Variants in MGMT observed in about 807,000 individuals in gnomAD.
MGMT encodes methylated-DNA--protein-cysteine methyltransferase.
In MGMT, 14 loss-of-function variants were observed where a neutral mutation model predicts 15.9. The observed-to-expected ratio is 0.88, with a 90% CI of 0.58 to 1.37. MGMT has a LOEUF of 1.37. Ranked by LOEUF, MGMT falls within the 40% of genes most tolerant of loss-of-function variation. The probability of loss-of-function intolerance (pLI) is 0.00; values close to 1 mark genes in which losing one functional copy is unlikely to be tolerated. For synonymous variants in MGMT, 130 were observed against 118.2 expected (o/e 1.10, Z -0.65); for missense variants, 282 against 268.1 (o/e 1.05, Z -0.36).
intron 2 of MGMT, among the ~76,000 whole-genome samples, chr10:129,678,608 A>G (rs1847812288): frequency 1.3e-5 from 2 of 152,310 alleles, no homozygotes; most frequent in Admixed American, 6.5e-5. Context: ...TAGGAGACAC[A>G]CTGTAAGTTA....
intron 2 of MGMT, among the ~76,000 whole-genome samples, chr10:129,669,151 T>C (rs1342644262): frequency 1.3e-5 from 2 of 152,180 alleles, no homozygotes; most frequent in Admixed American, 6.5e-5. Flanking sequence ...ACACTAGGTT[T>C]CCTGATATTT....
intron 1 of MGMT, among the ~76,000 whole-genome samples, chr10:129,494,253 G>A (rs906158725): frequency 1.3e-5 from 2 of 152,116 alleles, no homozygotes; most frequent in African/African-American, 4.8e-5. Context: ...TAGTGATATG[G>A]TCATTTTTTT....
chr10:129,553,475 G>A (rs951198812), intron 2 of MGMT, among the ~76,000 whole-genome samples: 3 of 152,172 alleles, frequency 2.0e-5, no homozygotes, highest in Non-Finnish European at 4.4e-5. Flanking sequence ...GTTCACCAGC[G>A]CATGTGAACC....
intron 2 of MGMT, among the ~76,000 whole-genome samples, chr10:129,593,780 C>T (rs887933400): frequency 1.3e-5 from 2 of 152,184 alleles, no homozygotes; most frequent in Non-Finnish European, 2.9e-5. Flanking sequence ...TGAGTATTGA[C>T]ACCTTTCCTT....
rs1228869639 is a variant in MGMT at position 129,533,447 on chromosome 10, A to G, written c.-12-2794A>G. On this transcript the variant is annotated intron_variant, in intron 1 of 4. Transcript: ENST00000651593. The surrounding 1 kb of genome is among the most constrained non-coding windows in gnomAD (Gnocchi z 4.5). ...CTGCAGCCCTGCCCGAACTGGGATG[A>G]TAGAGCAGCAAACATGGCTCCATGG... 6.6e-6 allele frequency among the ~76,000 whole-genome samples: 1 copy of G among 152,046 alleles called. No homozygotes were observed. Among genetic ancestry groups the G allele is most frequent in the Non-Finnish European group, 1.5e-5 (1 of 68,000 alleles).
At chr10:129,714,998 T>G (rs530158200) in intron 3 of MGMT, among the ~76,000 whole-genome samples, 1 of 152,226 alleles carries the variant, frequency 6.6e-6, no homozygotes, top group East Asian at 1.9e-4. Flanking sequence ...GGTCCTTAGT[T>G]CCCTGAGGTT....
intron 2 of MGMT, among the ~76,000 whole-genome samples, chr10:129,567,698 G>A (rs563119955): frequency 5.3e-5 from 8 of 152,168 alleles, no homozygotes; most frequent in African/African-American, 1.9e-4. Flanking sequence ...TGGAATGGTA[G>A]GTTATTTTGT....
intron 3 of MGMT, among the ~76,000 whole-genome samples, chr10:129,729,247 C>T (rs1196418161): frequency 6.6e-6 from 1 of 152,130 alleles, no homozygotes; most frequent in Non-Finnish European, 1.5e-5. Flanking sequence ...ACGAAAGGGC[C>T]CCACGGGCTG....
chr10:129,630,395 G>A (rs1238113693), intron 2 of MGMT, among the ~76,000 whole-genome samples: 5 of 152,216 alleles, frequency 3.3e-5, no homozygotes, highest in African/African-American at 1.2e-4. Flanking sequence ...GCTCTTTGGT[G>A]TGGCTCATGG....
chr10:129,694,952 A>G (rs978580917), intron 2 of MGMT, among the ~76,000 whole-genome samples: 1 of 152,204 alleles, frequency 6.6e-6, no homozygotes, highest in Non-Finnish European at 1.5e-5. Context: ...AGTACTCTGG[A>G]AAAAAGATTT....
At chr10:129,510,320 G>A (rs1845667832) in intron 1 of MGMT, among the ~76,000 whole-genome samples, 1 of 152,212 alleles carries the variant, frequency 6.6e-6, no homozygotes, top group Non-Finnish European at 1.5e-5. Flanking sequence ...GAGAATGGGT[G>A]AAATGTTGGA....
At chr10:129,475,358 A>G (rs1454013634) in intron 1 of MGMT, among the ~76,000 whole-genome samples, 1 of 152,168 alleles carries the variant, frequency 6.6e-6, no homozygotes, top group Non-Finnish European at 1.5e-5. Context: ...ATGGGGGATC[A>G]GATGAGAAAG....
chr10:129,595,280 G>T (rs530887632), intron 2 of MGMT, among the ~76,000 whole-genome samples: 1 of 152,152 alleles, frequency 6.6e-6, no homozygotes, highest in Non-Finnish European at 1.5e-5. Context: ...TGGGCATCTC[G>T]ATGTTAACCA....
chr10:129,760,974 G>A (rs1001770485), intron 4 of MGMT, among the ~76,000 whole-genome samples: 2 of 152,122 alleles, frequency 1.3e-5, no homozygotes, highest in African/African-American at 4.8e-5. Flanking sequence ...TTTTTACGGC[G>A]CGTTGGGGGA....
chr10:129,525,639 C>G (rs908211803), intron 1 of MGMT, among the ~76,000 whole-genome samples: 1 of 152,072 alleles, frequency 6.6e-6, no homozygotes, highest in Non-Finnish European at 1.5e-5. Flanking sequence ...GGGCCGGCTC[C>G]GATGACAGTA....
At chr10:129,662,411 T>A (rs1847607970) in intron 2 of MGMT, among the ~76,000 whole-genome samples, 1 of 152,142 alleles carries the variant, frequency 6.6e-6, no homozygotes, top group African/African-American at 2.4e-5. Context: ...CTGGGTAAAC[T>A]GCTGGGACAA....
At chr10:129,645,341 C>T (rs1390757155) in intron 2 of MGMT, among the ~76,000 whole-genome samples, 1 of 152,050 alleles carries the variant, frequency 6.6e-6, no homozygotes, top group Non-Finnish European at 1.5e-5. Flanking sequence ...AGGCTGGTCT[C>T]GAACTCCTGA....
chr10:129,580,370 C>T (rs1449020225), intron 2 of MGMT, among the ~76,000 whole-genome samples: 1 of 152,188 alleles, frequency 6.6e-6, no homozygotes, highest in African/African-American at 2.4e-5. Context: ...TACGATTAGG[C>T]ACCACAGTAG....
intron 2 of MGMT, among the ~76,000 whole-genome samples, chr10:129,605,579 A>T (rs932571783): frequency 5.3e-4 from 80 of 151,410 alleles, no homozygotes; most frequent in Admixed American, 1.5e-3. Flanking sequence ...GATCATATTT[A>T]AAAAAAAACA....
Sources: gnomAD v4.1 joint callset for allele counts (sites outside exome capture counted in the v4.1 genomes callset) on GRCh38, gnomAD v4.1.1 for gene constraint, Gnocchi (gnomAD v3.1) non-coding constraint, MANE v1.5 for transcripts, NCBI Gene and HGNC (gene_info 2026-07-23, HGNC 2026-07-21) for gene names.